The following DLGAP1 variants were observed in gnomAD, a reference collection of about 807,000 sequenced individuals.
The protein encoded by DLGAP1 is DLG associated protein 1.
Under a neutral mutation model 90.8 loss-of-function variants are expected in DLGAP1, and 11 were observed. The ratio of observed to expected loss-of-function variants is 0.12; its 90% CI spans 0.08 to 0.20. The LOEUF is 0.20. DLGAP1 is among the 10% of genes least tolerant of loss of function. The pLI, the probability that DLGAP1 is intolerant of heterozygous loss-of-function variation, is 1.00. For missense variants in DLGAP1, 1,050 were observed against 1,333.8 expected (o/e 0.79, Z 3.31); for synonymous variants, 558 against 540.7 (o/e 1.03, Z -0.44).
chr18:3,913,977 C>T (rs1442171259), intron 3 of DLGAP1, among the ~76,000 whole-genome samples: 2 of 152,206 alleles, frequency 1.3e-5, no homozygotes, highest in East Asian at 1.9e-4. Context: ...CTCACCAATG[C>T]TGCCTTAATG....
chr18:4,128,257 T>G (rs979118574), intron 2 of DLGAP1, among the ~76,000 whole-genome samples: 3 of 152,166 alleles, frequency 2.0e-5, no homozygotes, highest in African/African-American at 7.2e-5. Context: ...TAACAATTAC[T>G]TACATAAGAT....
At chr18:4,098,444 A>G (rs1458316861) in intron 2 of DLGAP1, among the ~76,000 whole-genome samples, 2 of 152,202 alleles carry the variant, frequency 1.3e-5, no homozygotes, top group African/African-American at 2.4e-5. Flanking sequence ...TGGGTAAGAT[A>G]GGAGAGGAGG....
intron 5 of DLGAP1, among the ~76,000 whole-genome samples, chr18:3,743,273 A>G (rs1436180369): frequency 2.0e-5 from 3 of 152,160 alleles, no homozygotes; most frequent in Admixed American, 6.5e-5. Context: ...AGAACTACTC[A>G]TAGCAGTTTG....
At chr18:4,391,743 G>A (rs994690103) in intron 1 of DLGAP1, among the ~76,000 whole-genome samples, 4 of 152,118 alleles carry the variant, frequency 2.6e-5, no homozygotes, top group Non-Finnish European at 4.4e-5. Context: ...CTTTGTTAAG[G>A]TATGCTCCCA....
chr18:3,730,922 A>G (rs2062402250), intron 6 of DLGAP1, among the ~76,000 whole-genome samples: 2 of 152,196 alleles, frequency 1.3e-5, no homozygotes, highest in South Asian at 4.1e-4. Flanking sequence ...TTGTTTTTAA[A>G]GAAATACATG....
At chr18:3,967,036 G>A (rs1011652411) in intron 3 of DLGAP1, among the ~76,000 whole-genome samples, 84 of 152,172 alleles carry the variant, frequency 5.5e-4, no homozygotes, top group Non-Finnish European at 1.2e-4. Context: ...ACCAGGAGGT[G>A]AGGTAGTCCA....
chr18:4,145,933 T>C (rs1300508327), intron 2 of DLGAP1, among the ~76,000 whole-genome samples: 1 of 152,098 alleles, frequency 6.6e-6, no homozygotes, highest in African/African-American at 2.4e-5. Flanking sequence ...ACTTGACACA[T>C]GAAACCATCA....
At chr18:3,713,895 T>C (rs2061674360) in intron 7 of DLGAP1, among the ~76,000 whole-genome samples, 1 of 152,198 alleles carries the variant, frequency 6.6e-6, no homozygotes, top group Non-Finnish European at 1.5e-5. Flanking sequence ...ATTTACCATG[T>C]TGGATTACAT....
chr18:4,361,358 T>C (rs559730362), intron 1 of DLGAP1, among the ~76,000 whole-genome samples: 25 of 152,256 alleles, frequency 1.6e-4, no homozygotes, highest in African/African-American at 5.3e-4. Flanking sequence ...ATTTCAACAC[T>C]GTAAAGCTAC....
chr18:3,661,388 C>A (rs141956134), intron 7 of DLGAP1, among the ~76,000 whole-genome samples: 1 of 152,254 alleles, frequency 6.6e-6, no homozygotes, highest in East Asian at 1.9e-4. Flanking sequence ...ATGATGCTGT[C>A]TGCCCAGATC....
chr18:4,089,510 A>G (rs562811427), intron 2 of DLGAP1, among the ~76,000 whole-genome samples: 2 of 152,310 alleles, frequency 1.3e-5, no homozygotes, highest in Admixed American at 1.3e-4. Flanking sequence ...CCTAAGCAAA[A>G]AAAACAAAGC....
intron 7 of DLGAP1, among the ~76,000 whole-genome samples, chr18:3,696,552 T>G (rs548497198): frequency 3.9e-4 from 59 of 152,344 alleles, no homozygotes; most frequent in African/African-American, 1.4e-3. Context: ...GAAGCCTACT[T>G]GATCGTGGTG....
chr18:3,927,200 A>G lies in DLGAP1; in HGVS notation c.-72-47060T>C, dbSNP rs76791611. On this transcript the variant is annotated intron_variant, in intron 3 of 12. Coordinates refer to ENST00000315677, the MANE Select transcript of DLGAP1 (RefSeq NM_004746.4). ...GTAGTAATTGATTCAGGCAACAGTA[A>G]TTCAATGGATGCTAAAACTAGTGGG... 1.6e-3 allele frequency among the ~76,000 whole-genome samples: 247 copies of G among 152,316 alleles called. 4 individuals carry two copies. In the South Asian group the frequency reaches 0.027, roughly 17 times the overall value.
At chr18:3,982,404 A>G (rs2073751761) in intron 3 of DLGAP1, among the ~76,000 whole-genome samples, 1 of 152,188 alleles carries the variant, frequency 6.6e-6, no homozygotes, top group African/African-American at 2.4e-5. Context: ...CATGACACGG[A>G]AGTGACAAGA....
intron 1 of DLGAP1, among the ~76,000 whole-genome samples, chr18:4,335,846 T>G (rs2081056577): frequency 6.6e-6 from 1 of 152,364 alleles, no homozygotes; most frequent in African/African-American, 2.4e-5. Flanking sequence ...TGCACTCTAC[T>G]GGGCTTTTGA....
intron 2 of DLGAP1, among the ~76,000 whole-genome samples, chr18:4,143,531 C>G (rs1466498305): frequency 6.6e-6 from 1 of 151,824 alleles, no homozygotes; most frequent in Non-Finnish European, 1.5e-5. Context: ...CCCTCTGGCC[C>G]AGGGAAGGTC....
intron 5 of DLGAP1, among the ~76,000 whole-genome samples, chr18:3,809,338 ACACAGC>A (rs2066716779): frequency 6.6e-6 from 1 of 152,250 alleles, no homozygotes; most frequent in South Asian, 2.1e-4. Context: ...GCCAAAAGGC[ACACAGC>A]TACTTAGTAT....
rs569800183 is a variant in DLGAP1 at position 4,401,815 on chromosome 18, T to C, written c.-267+53191A>G. ...AAAGCCATGTTTTTAGCTTAAAATA[T>C]GCCTTAACAATTTTTAAATGATAGG... is the stretch of plus-strand genomic sequence containing the variant. On this transcript the variant is annotated intron_variant, in intron 1 of 12. Transcript: ENST00000315677. 8.6e-4 allele frequency among the ~76,000 whole-genome samples: 129 copies of C among 149,684 alleles called. No homozygotes were observed. In the Middle Eastern group the frequency reaches 0.01, roughly 12 times the overall value.
At chr18:4,267,523 T>TA (rs2079157450) in intron 1 of DLGAP1, among the ~76,000 whole-genome samples, 1 of 152,074 alleles carries the variant, frequency 6.6e-6, no homozygotes, top group South Asian at 2.1e-4. Context: ...TGAGTAATCA[T>TA]AAAATCTCAT....
Sources: allele counts gnomAD v4.1 joint callset (sites outside exome capture counted in the v4.1 genomes callset), GRCh38; gene constraint gnomAD v4.1.1; transcripts MANE v1.5; gene names NCBI Gene and HGNC (gene_info 2026-07-23, HGNC 2026-07-21).